The following MACROH2A1 variants were observed in gnomAD, a reference collection of about 807,000 sequenced individuals.
MACROH2A1 encodes macroH2A.1 histone.
In MACROH2A1, 2 loss-of-function variants were observed where a neutral mutation model predicts 31.6. The observed-to-expected ratio is 0.06, with a 90% CI of 0.03 to 0.20. The LOEUF is 0.20. Ranked by LOEUF, MACROH2A1 falls within the 10% of genes least tolerant of loss-of-function variation. The pLI is 1.00. For missense variants in MACROH2A1, 230 were observed against 474.0 expected (o/e 0.49, Z 4.78); for synonymous variants, 169 against 189.6 (o/e 0.89, Z 0.89).
At chr5:135,371,219 C>A (rs989971478) in intron 2 of MACROH2A1, among the ~76,000 whole-genome samples, 1 of 151,814 alleles carries the variant, frequency 6.6e-6, no homozygotes. Context: ...GGGGTCGGGG[C>A]GAATGTTGGT....
chr5:135,346,489 C>T (rs1760855787), intron 6 of MACROH2A1: 1 of 188,204 alleles, frequency 5.3e-6, no homozygotes, highest in Admixed American at 5.6e-5. Context: ...GTTTCAGCAG[C>T]ATACAATGCT....
intron 2 of MACROH2A1, among the ~76,000 whole-genome samples, chr5:135,386,509 G>C (rs1424439374): frequency 6.6e-6 from 1 of 152,246 alleles, no homozygotes; most frequent in Admixed American, 6.5e-5. Flanking sequence ...GCTGATGCCA[G>C]AGTAAGGATC....
At chr5:135,350,893 G>A (rs1177752304) in intron 6 of MACROH2A1, 2 of 1,611,708 alleles carry the variant, frequency 1.2e-6, no homozygotes, top group Admixed American at 1.7e-5. Flanking sequence ...TCGAGGCAAT[G>A]TCAGCCTGTA....
chr5:135,393,609 T>C (rs1291536484), intron 1 of MACROH2A1, among the ~76,000 whole-genome samples: 1 of 152,234 alleles, frequency 6.6e-6, no homozygotes, highest in Non-Finnish European at 1.5e-5. Context: ...AGCTATACTA[T>C]CTGGTCAAAC....
intron 4 of MACROH2A1, among the ~76,000 whole-genome samples, chr5:135,366,202 T>C (rs1262658804): frequency 6.6e-6 from 1 of 152,218 alleles, no homozygotes; most frequent in Non-Finnish European, 1.5e-5. Context: ...CTTTATAAAT[T>C]GCTGTCTTGG....
At chr5:135,358,574 T>G (rs777719217) in intron 5 of MACROH2A1, 18 of 985,382 alleles carry the variant, frequency 1.8e-5, no homozygotes, top group Non-Finnish European at 2.2e-5. Context: ...GGCTGACCAT[T>G]TTATACTGGG....
intron 1 of MACROH2A1, among the ~76,000 whole-genome samples, chr5:135,397,672 G>A (rs915428278): frequency 6.6e-6 from 1 of 152,212 alleles, no homozygotes; most frequent in Admixed American, 6.5e-5. Flanking sequence ...TCTTGTGCAA[G>A]ACTGAGATGC....
At chr5:135,372,275 G>A (rs759282888) in intron 2 of MACROH2A1, among the ~76,000 whole-genome samples, 1 of 152,204 alleles carries the variant, frequency 6.6e-6, no homozygotes, top group Non-Finnish European at 1.5e-5. Context: ...TCCCTTACCT[G>A]GGCTTTATAC....
At chr5:135,389,779 G>A (rs1046514670) in intron 1 of MACROH2A1, among the ~76,000 whole-genome samples, 5 of 152,254 alleles carry the variant, frequency 3.3e-5, no homozygotes, top group Admixed American at 6.5e-5. Context: ...CCTCTTGTGG[G>A]GCTCTTTCTC....
chr5:135,369,670 C>T lies in MACROH2A1; in HGVS notation c.280-67G>A. On this transcript the variant is annotated intron_variant, in intron 3 of 8. Transcript: ENST00000511689. This position sits in a 1 kb window ranked among gnomAD's most constrained non-coding sequence, Gnocchi z 4.3. ...CTGCTTCTAACCTTCAAGAAGCCAG[C>T]CCTGCCCAGGACAGTCTTGCTTTGG... 1 of 1,291,092 alleles carries T rather than the reference C, an allele frequency of 7.7e-7. No homozygotes were observed. The allele number at this position is 1,291,092 out of a possible 1,614,324, so 80.0% of individuals were successfully genotyped here. A position where few individuals can be genotyped will look rare whatever the true frequency, so the allele number is the denominator to read the frequency against.
chr5:135,351,155 C>A, intron 6 of MACROH2A1: 1 of 400,802 alleles, frequency 2.5e-6, no homozygotes, highest in Non-Finnish European at 4.5e-6. Context: ...AAAAGAGAAA[C>A]ACACACATGA....
intron 4 of MACROH2A1, chr5:135,361,659 G>C (rs1482428035): frequency 6.6e-6 from 1 of 152,216 alleles, no homozygotes; most frequent in East Asian, 1.9e-4. Context: ...CCAGAAAGAA[G>C]GGGTGAGAAA....
chr5:135,339,788 G>A (rs1759469840), intron 8 of MACROH2A1, among the ~76,000 whole-genome samples: 1 of 152,214 alleles, frequency 6.6e-6, no homozygotes, highest in Non-Finnish European at 1.5e-5. Context: ...TGGTATACAG[G>A]AGGGAGAACA....
chr5:135,348,037 C>A (rs926074309), intron 6 of MACROH2A1, among the ~76,000 whole-genome samples: 1 of 152,140 alleles, frequency 6.6e-6, no homozygotes, highest in Non-Finnish European at 1.5e-5. Context: ...AAAATTTTTA[C>A]TTATAAATAT....
At chr5:135,352,847 C>A in intron 6 of MACROH2A1, 99 bp downstream of exon 6, 1 of 744,770 alleles carries the variant, frequency 1.3e-6, no homozygotes, top group Non-Finnish European at 2.4e-6. Context: ...GGAAATTTGG[C>A]TTGACCACTG....
intron 2 of MACROH2A1, among the ~76,000 whole-genome samples, chr5:135,380,000 C>A (rs1178066698): frequency 6.6e-6 from 1 of 152,192 alleles, no homozygotes; most frequent in Non-Finnish European, 1.5e-5. Context: ...TCCCCTCACA[C>A]AGGTGTGGCC....
At chr5:135,361,583 T>C (rs1275587159) in intron 4 of MACROH2A1, 1 of 152,206 alleles carries the variant, frequency 6.6e-6, no homozygotes. Flanking sequence ...ACACTTCACC[T>C]TTCCCTTCCC....
At chr5:135,347,605 C>G (rs951880210) in intron 6 of MACROH2A1, 2 of 152,288 alleles carry the variant, frequency 1.3e-5, no homozygotes, top group African/African-American at 4.8e-5. Context: ...GAGGTGGCAG[C>G]TGAATGGGGC....
At chr5:135,353,876 G>A (rs914360335) in intron 5 of MACROH2A1, 7 of 152,180 alleles carry the variant, frequency 4.6e-5, no homozygotes, top group Non-Finnish European at 8.8e-5. Context: ...CTGAGTATTC[G>A]AAGAATACTG....
Sources: allele counts gnomAD v4.1 joint callset (sites outside exome capture counted in the v4.1 genomes callset), GRCh38; gene constraint gnomAD v4.1.1; non-coding constraint Gnocchi (gnomAD v3.1); transcripts MANE v1.5; gene names NCBI Gene and HGNC (gene_info 2026-07-23, HGNC 2026-07-21).